The following CLVS1 variants were observed in gnomAD, a reference collection of about 807,000 sequenced individuals.
The protein encoded by CLVS1 is clavesin 1.
Under a neutral mutation model 33.1 loss-of-function variants are expected in CLVS1, and 10 were observed. That is an observed-to-expected ratio of 0.30 (90% CI 0.19 to 0.51). CLVS1 has a LOEUF of 0.51. CLVS1 is among the 20% of genes least tolerant of loss of function. The pLI, the probability that CLVS1 is intolerant of heterozygous loss-of-function variation, is 0.97. For synonymous variants in CLVS1, 163 were observed against 166.1 expected (o/e 0.98, Z 0.14); for missense variants, 343 against 433.4 (o/e 0.79, Z 1.85).
At chr8:61,054,541 G>A (rs1282660420), upstream of CLVS1, among the ~76,000 whole-genome samples, 1 of 152,154 alleles carries the variant, frequency 6.6e-6, no homozygotes, top group African/African-American at 2.4e-5. Context: ...TGTTTCTCTG[G>A]CCTGGAGCTG....
At chr8:61,238,441 G>A (rs970358395) in intron 2 of CLVS1, among the ~76,000 whole-genome samples, 1 of 151,886 alleles carries the variant, frequency 6.6e-6, no homozygotes, top group African/African-American at 2.4e-5. Context: ...AAAGAGATAA[G>A]TTATTAGAAG....
chr8:61,423,794 C>T (rs1051321282), intron 3 of CLVS1, among the ~76,000 whole-genome samples: 1 of 152,028 alleles, frequency 6.6e-6, no homozygotes, highest in African/African-American at 2.4e-5. Flanking sequence ...GCACACACAC[C>T]CTAGTGTCTC....
chr8:61,275,046 A>G (rs1585741359), intron 2 of CLVS1, among the ~76,000 whole-genome samples: 1 of 152,318 alleles, frequency 6.6e-6, no homozygotes. Context: ...TTTTGACTTC[A>G]AGCCAAAAAT....
intron 3 of CLVS1, among the ~76,000 whole-genome samples, chr8:61,424,573 G>A (rs764324666): frequency 1.3e-5 from 2 of 152,048 alleles, no homozygotes; most frequent in African/African-American, 2.4e-5. Context: ...TAAATTTACT[G>A]GTACACAAAT....
intron 3 of CLVS1, among the ~76,000 whole-genome samples, chr8:61,423,155 A>G (rs1270227976): frequency 6.6e-6 from 1 of 151,988 alleles, no homozygotes; most frequent in African/African-American, 2.4e-5. Context: ...TGCCGAGGTC[A>G]CTTCCCTATT....
In CLVS1 at chr8:61,460,986, A is replaced by C. The variant is rs140830882; in HGVS notation, c.977+2444A>C. Among the ~76,000 whole-genome samples the C allele has an allele frequency of 3.6e-3, 546 of 152,352 alleles. 2 individuals carry two copies. Among genetic ancestry groups the C allele is most frequent in the Non-Finnish European group, 5.2e-3 (355 of 68,020 alleles). ...CTTGTCTGTTCCTGATTTGAGCACA[A>C]TGGTTTTGGCACCCAAGTGGAAAGT... On this transcript the variant is annotated intron_variant, in intron 5 of 5. Coordinates refer to ENST00000325897, the MANE Select transcript of CLVS1 (RefSeq NM_173519.3).
chr8:61,431,046 A>G (rs1308419722), intron 3 of CLVS1, among the ~76,000 whole-genome samples: 2 of 152,258 alleles, frequency 1.3e-5, no homozygotes, highest in Admixed American at 6.5e-5. Context: ...TGACTTTCAT[A>G]ATAGATTGCT....
chr8:61,026,767 T>C, the CLVS1 span, among the ~76,000 whole-genome samples: 1 of 152,200 alleles, frequency 6.6e-6, no homozygotes, highest in South Asian at 2.1e-4. Flanking sequence ...TTGAAGAACA[T>C]AGGGTTTTGT....
intron 2 of CLVS1, among the ~76,000 whole-genome samples, chr8:61,232,893 T>C (rs998163326): frequency 3.3e-5 from 5 of 152,224 alleles, no homozygotes; most frequent in African/African-American, 1.2e-4. Flanking sequence ...TCTCTTTAAC[T>C]CCTCATTGAT....
chr8:61,266,051 A>G (rs1809296499), intron 2 of CLVS1, among the ~76,000 whole-genome samples: 1 of 152,070 alleles, frequency 6.6e-6, no homozygotes, highest in Admixed American at 6.6e-5. Flanking sequence ...TCGTCTCCCC[A>G]TGAAATGTCA....
intron 2 of CLVS1, among the ~76,000 whole-genome samples, chr8:61,348,662 G>A (rs542174777): frequency 2.6e-5 from 4 of 152,040 alleles, no homozygotes; most frequent in East Asian, 1.9e-4. Flanking sequence ...TGGCTATTGC[G>A]AATATTGCCT....
At chr8:61,415,930 C>T (rs1421179891) in intron 3 of CLVS1, among the ~76,000 whole-genome samples, 1 of 152,132 alleles carries the variant, frequency 6.6e-6, no homozygotes, top group Non-Finnish European at 1.5e-5. Flanking sequence ...TTGGAGACCC[C>T]TGCACTAGAA....
intron 5 of CLVS1, among the ~76,000 whole-genome samples, chr8:61,488,272 C>T (rs926652646): frequency 1.3e-5 from 2 of 152,150 alleles, no homozygotes; most frequent in Middle Eastern, 3.2e-3. Flanking sequence ...TTTTGAAACT[C>T]TAAGGCTTCT....
chr8:61,026,891 T>C, the CLVS1 span, among the ~76,000 whole-genome samples: 1 of 152,066 alleles, frequency 6.6e-6, no homozygotes, highest in Non-Finnish European at 1.5e-5. Context: ...GACAGAAGGC[T>C]CAGGTGAGAG....
chr8:61,222,758 C>G (rs553707420), intron 2 of CLVS1, among the ~76,000 whole-genome samples: 1 of 152,236 alleles, frequency 6.6e-6, no homozygotes, highest in African/African-American at 2.4e-5. Context: ...GTTGATCTGT[C>G]TAATACTGAC....
chr8:61,014,249 T>C, the CLVS1 span, among the ~76,000 whole-genome samples: 245 of 152,274 alleles, frequency 1.6e-3, no homozygotes, highest in Admixed American at 3.8e-3. Context: ...GTGGAGCTGG[T>C]GTGCCACGCT....
At chr8:61,024,555 T>C in the CLVS1 span, among the ~76,000 whole-genome samples, 1 of 152,132 alleles carries the variant, frequency 6.6e-6, no homozygotes, top group East Asian at 1.9e-4. Flanking sequence ...CTAAACAGAG[T>C]GCTCAGCATG....
At chr8:60,965,807 TTTTTTTG>T in the CLVS1 span, 1 of 152,506 alleles carries the variant, frequency 6.6e-6, no homozygotes, top group Non-Finnish European at 1.5e-5. Context: ...TGTGATTTTG[TTTTTTTG>T]TTTTTTGTTT....
chr8:61,218,944 C>T (rs566706323), intron 2 of CLVS1, among the ~76,000 whole-genome samples: 1 of 152,080 alleles, frequency 6.6e-6, no homozygotes, highest in East Asian at 1.9e-4. Flanking sequence ...AACTTCGTCT[C>T]AAATAAAACA....
Sources: allele counts gnomAD v4.1 joint callset (sites outside exome capture counted in the v4.1 genomes callset), GRCh38; gene constraint gnomAD v4.1.1; transcripts MANE v1.5; gene names NCBI Gene and HGNC (gene_info 2026-07-23, HGNC 2026-07-21).